Variants in RERE observed in about 807,000 individuals in gnomAD.
RERE encodes arginine-glutamic acid dipeptide repeats protein.
In RERE, 40 loss-of-function variants were observed where a neutral mutation model predicts 146.1. The observed-to-expected ratio is 0.27, with a 90% CI of 0.21 to 0.36. The LOEUF (loss-of-function observed/expected upper bound fraction) is 0.36, where lower values mean the gene tolerates loss of function less well. Ranked by LOEUF, RERE falls within the 10% of genes least tolerant of loss-of-function variation. The pLI, the probability that RERE is intolerant of heterozygous loss-of-function variation, is 1.00. For synonymous variants in RERE, 1,003 were observed against 866.0 expected (o/e 1.16, Z -2.78); for missense variants, 1,933 against 2,138.7 (o/e 0.90, Z 1.90).
intron 11 of RERE, among the ~76,000 whole-genome samples, chr1:8,436,185 G>A (rs1259985366): frequency 6.6e-6 from 1 of 152,198 alleles, no homozygotes; most frequent in East Asian, 1.9e-4. Flanking sequence ...CAGGCGTGGT[G>A]GCGTGTGCCT....
intron 4 of RERE, among the ~76,000 whole-genome samples, chr1:8,568,832 T>G: frequency 6.6e-6 from 1 of 152,232 alleles, no homozygotes; most frequent in Admixed American, 6.5e-5. Flanking sequence ...CCCTCTCATC[T>G]GTCTGTCTAT....
intron 11 of RERE, among the ~76,000 whole-genome samples, chr1:8,448,413 T>C (rs1221037882): frequency 2.0e-5 from 3 of 151,616 alleles, no homozygotes; most frequent in Non-Finnish European, 4.4e-5. Context: ...TTTCCACAGA[T>C]AGATGAAGAG....
chr1:8,545,982 CTTTTTT>C (rs3050828), intron 6 of RERE, among the ~76,000 whole-genome samples: 2,431 of 69,510 alleles, frequency 0.035, 115 homozygotes, highest in African/African-American at 0.13. Context: ...CATACCCAGT[CTTTTTT>C]TTTTTTTTTT....
intron 1 of RERE, among the ~76,000 whole-genome samples, chr1:8,809,849 T>C (rs1385150854): frequency 6.6e-6 from 1 of 152,122 alleles, no homozygotes; most frequent in Non-Finnish European, 1.5e-5. Flanking sequence ...GTAATAAACA[T>C]TAATACAAGA....
At chr1:8,623,571 G>T (rs143821082) in intron 3 of RERE, among the ~76,000 whole-genome samples, 1 of 152,298 alleles carries the variant, frequency 6.6e-6, no homozygotes, top group African/African-American at 2.4e-5. Context: ...AGACGTGTGA[G>T]ATCAATTTAT....
At chr1:8,437,653 C>T (rs565937199) in intron 11 of RERE, among the ~76,000 whole-genome samples, 1 of 152,210 alleles carries the variant, frequency 6.6e-6, no homozygotes, top group South Asian at 2.1e-4. Flanking sequence ...ATTGGTAATA[C>T]GGGAGCATGA....
At chr1:8,792,096 G>GAA (rs796978270) in intron 1 of RERE, among the ~76,000 whole-genome samples, 7 of 139,998 alleles carry the variant, frequency 5.0e-5, no homozygotes, top group African/African-American at 1.8e-4. Context: ...TCAAAAGAAG[G>GAA]AAAAAAAAAA....
intron 10 of RERE, among the ~76,000 whole-genome samples, chr1:8,472,336 T>A (rs1356278120): frequency 6.6e-6 from 1 of 152,228 alleles, no homozygotes; most frequent in Non-Finnish European, 1.5e-5. Flanking sequence ...TTTCAAATTC[T>A]AAACACCTGA....
intron 1 of RERE, among the ~76,000 whole-genome samples, chr1:8,747,584 C>G (rs1031418472): frequency 1.3e-5 from 2 of 152,000 alleles, no homozygotes; most frequent in Non-Finnish European, 2.9e-5. Flanking sequence ...TTAAGACACT[C>G]TAAATATTAC....
chr1:8,397,109 C>A (rs1643082210), intron 12 of RERE, among the ~76,000 whole-genome samples: 1 of 152,212 alleles, frequency 6.6e-6, no homozygotes, highest in Non-Finnish European at 1.5e-5. Flanking sequence ...AGAAACAGCA[C>A]AGCAGCTAAG....
At chr1:8,650,467 T>A (rs1398863804) in intron 2 of RERE, among the ~76,000 whole-genome samples, 1 of 152,156 alleles carries the variant, frequency 6.6e-6, no homozygotes, top group African/African-American at 2.4e-5. Context: ...TAAATGAGTA[T>A]TAAAGATCTA....
rs71580034 is a variant in RERE at position 8,587,528 on chromosome 1, T to C, written c.522+27033A>G. Reference sequence around the variant, plus strand: ...TCCACCACTAACTCTAACAGCATTCTGGGTCAGACCCCTCATACAGTTCAT... The same window carrying C: ...TCCACCACTAACTCTAACAGCATTCCGGGTCAGACCCCTCATACAGTTCAT... On this transcript the variant is annotated intron_variant, in intron 4 of 22. Transcript: ENST00000400908. 9.5e-3 allele frequency among the ~76,000 whole-genome samples: 1,449 copies of C among 152,354 alleles called. 10 individuals are homozygous for C. Among genetic ancestry groups the C allele is most frequent in the Non-Finnish European group, 0.015 (1,016 of 68,026 alleles).
At chr1:8,366,612 C>T (rs1641812191) in intron 12 of RERE, among the ~76,000 whole-genome samples, 3 of 152,148 alleles carry the variant, frequency 2.0e-5, no homozygotes, top group South Asian at 2.1e-4. Context: ...CATGCCGGCA[C>T]GACGTCCAGA....
intron 1 of RERE, among the ~76,000 whole-genome samples, chr1:8,675,869 T>C (rs1042663045): frequency 2.6e-5 from 4 of 152,180 alleles, no homozygotes; most frequent in Non-Finnish European, 5.9e-5. Flanking sequence ...AATACTTGTA[T>C]TATACTTACT....
rs774398839 is a variant in RERE, at chr1:8,361,440, G to A, written c.2067C>T (p.Asp689=). The A allele has an allele frequency of 8.1e-6, 13 of 1,613,660 alleles. 1 individual carries two copies. In the South Asian group the frequency reaches 8.8e-5, roughly 11 times the overall value. The change falls in exon 18 of 23, where the codon GAC becomes GAT. Residue 689 remains aspartate (D), a synonymous_variant. Transcript: ENST00000400908. ...TACCCTCATCGTTGACGCTGCGACTGTCTGAACTCTCTCCCTCACCTTCAG... is the reference window on the plus strand; with the variant it reads ...TACCCTCATCGTTGACGCTGCGACTATCTGAACTCTCTCCCTCACCTTCAG... ...SPSEGEGESS[D]SRSVNDEGSS...
At chr1:8,699,684 C>T (rs1312921972) in intron 1 of RERE, among the ~76,000 whole-genome samples, 1 of 152,218 alleles carries the variant, frequency 6.6e-6, no homozygotes, top group Admixed American at 6.5e-5. Flanking sequence ...AATGTTTTAA[C>T]TTCTTTTAAT....
chr1:8,388,632 C>T (rs1642771134), intron 12 of RERE, among the ~76,000 whole-genome samples: 4 of 152,200 alleles, frequency 2.6e-5, no homozygotes, highest in Admixed American at 2.6e-4. Flanking sequence ...TCTGTGCAAT[C>T]TTAAGCTGCG....
chr1:8,679,548 G>T (rs1638917565), intron 1 of RERE, among the ~76,000 whole-genome samples: 1 of 152,064 alleles, frequency 6.6e-6, no homozygotes, highest in African/African-American at 2.4e-5. Context: ...TCTGAAATCA[G>T]GGCCTAGAGT....
At chr1:8,579,568 G>A (rs1646338468) in intron 4 of RERE, among the ~76,000 whole-genome samples, 1 of 152,172 alleles carries the variant, frequency 6.6e-6, no homozygotes, top group African/African-American at 2.4e-5. Context: ...AGTGGAACCA[G>A]GCCTAGGGAA....
Sources: allele counts gnomAD v4.1 joint callset (sites outside exome capture counted in the v4.1 genomes callset), GRCh38; gene constraint gnomAD v4.1.1; transcripts MANE v1.5; gene names NCBI Gene and HGNC (gene_info 2026-07-23, HGNC 2026-07-21).